FAM168B: variants seen among roughly 807,000 people sequenced by gnomAD.
FAM168B encodes myelin-associated neurite-outgrowth inhibitor.
Under a neutral mutation model 21.8 loss-of-function variants are expected in FAM168B, and 19 were observed. That is an observed-to-expected ratio of 0.87 (90% CI 0.61 to 1.28). The LOEUF (loss-of-function observed/expected upper bound fraction) is 1.28, where lower values mean the gene tolerates loss of function less well. Ranked by LOEUF, FAM168B falls within the 50% of genes most tolerant of loss-of-function variation. FAM168B has a pLI of 0.00. For synonymous variants in FAM168B, 126 were observed against 104.8 expected (o/e 1.20, Z -1.24); for missense variants, 233 against 263.1 (o/e 0.89, Z 0.79).
rs866299829 is a variant in FAM168B, at chr2:131,052,950, G to A, written c.541C>T (p.Arg181Trp). 2.6e-6 allele frequency: 4 copies of A among 1,564,026 alleles called. No individual in the cohort carries two copies. The highest frequency in any genetic ancestry group is 3.5e-6 in the Non-Finnish European group (4 of 1,153,504). ...APHPVTVPTYRAPGTPTYSYV... is the reference protein window; with the variant it reads ...APHPVTVPTYWAPGTPTYSYV... ...CTGTAAGTGGGCGTTCCTGGGGCCC[G>A]GTACGTGGGCACAGTGACCGGGTGG... The change falls in exon 6 of 7, where the codon CGG becomes TGG. Residue 181 changes from arginine (R) to tryptophan (W), a missense_variant. By Grantham distance (101) the Arg-to-Trp change is moderately radical. Coordinates refer to ENST00000389915, the MANE Select transcript of FAM168B (RefSeq NM_001009993.4).
chr2:131,072,022 CT>C, intron 2 of FAM168B, 84 bp from the exon 3 acceptor site: 1 of 1,238,750 alleles, frequency 8.1e-7, no homozygotes, highest in Non-Finnish European at 1.2e-6. Context: ...TCGCTCTTAC[CT>C]TCTTCCCCAG....
chr2:131,055,792 A>T, intron 3 of FAM168B, 97 bp from the exon 4 acceptor site: 4 of 1,464,086 alleles, frequency 2.7e-6, no homozygotes, highest in Non-Finnish European at 3.7e-6. Context: ...TGTCAGCCCC[A>T]CGCAACTCGC....
chr2:131,077,293 C>T (rs890660634), intron 2 of FAM168B, among the ~76,000 whole-genome samples: 4 of 151,692 alleles, frequency 2.6e-5, no homozygotes, highest in Non-Finnish European at 4.4e-5. Context: ...AAGTGAGCAA[C>T]GCCGCCTGCA....
chr2:131,083,746 C>T (rs1056189118), intron 1 of FAM168B, among the ~76,000 whole-genome samples: 7 of 152,074 alleles, frequency 4.6e-5, no homozygotes, highest in Admixed American at 3.3e-4. Flanking sequence ...CCCATATAAA[C>T]ACCTATGTGT....
intron 1 of FAM168B, among the ~76,000 whole-genome samples, chr2:131,092,973 T>C (rs1007346027): frequency 5.3e-5 from 8 of 151,466 alleles, no homozygotes; most frequent in African/African-American, 1.9e-4. Flanking sequence ...CGAAGCCACC[T>C]CGGCCACCTA....
chr2:131,052,955 G>A lies in FAM168B; in HGVS notation c.536C>T (p.Thr179Met), dbSNP rs1199542512. Residue 179 changes from threonine (T) to methionine (M), a missense_variant, in exon 6 of 7, where the codon ACG (threonine) becomes ATG (methionine). Coordinates refer to ENST00000389915, the MANE Select transcript of FAM168B (RefSeq NM_001009993.4). ...PVAPHPVTVP[T>M]YRAPGTPTYS... ...AGTGGGCGTTCCTGGGGCCCGGTAC[G>A]TGGGCACAGTGACCGGGTGGGGGGC... The A allele has an allele frequency of 1.3e-6, 2 of 1,563,062 alleles. No homozygotes were observed. Among genetic ancestry groups the A allele is most frequent in the Non-Finnish European group, 1.7e-6 (2 of 1,153,162 alleles).
At chr2:131,058,879 G>A (rs747751324) in intron 3 of FAM168B, among the ~76,000 whole-genome samples, 23 of 152,168 alleles carry the variant, frequency 1.5e-4, no homozygotes, top group Non-Finnish European at 2.9e-4. Context: ...ACGCCACAAC[G>A]AGGTTGTATA....
In FAM168B at chr2:131,051,692, G is replaced by GACA; in HGVS notation, c.*770_*772dup. On this transcript the variant is annotated 3_prime_UTR_variant, in exon 7 of 7. Transcript: ENST00000389915. The stretch of plus-strand genomic sequence containing the variant: ...TAGATAGCAGAGAAACTGCTTTGCT[G>GACA]ACACATAAACCACCCCCCTCGCCCC... The GACA allele has an allele frequency of 1.0e-6, 1 of 985,202 alleles. No individual in the cohort carries two copies. Among genetic ancestry groups the GACA allele is most frequent in the Non-Finnish European group, 1.2e-6 (1 of 829,902 alleles). 61.0% of individuals were successfully genotyped at this position (985,202 alleles called of 1,614,324 possible).
chr2:131,065,480 T>C (rs1443600814), intron 3 of FAM168B, among the ~76,000 whole-genome samples: 2 of 152,118 alleles, frequency 1.3e-5, no homozygotes, highest in East Asian at 1.9e-4. Flanking sequence ...TTTATGGCTA[T>C]AATTCTGAGT....
At chr2:131,075,396 T>C (rs1047506580) in intron 2 of FAM168B, among the ~76,000 whole-genome samples, 2 of 152,150 alleles carry the variant, frequency 1.3e-5, no homozygotes, top group African/African-American at 4.8e-5. Flanking sequence ...TATATTCTCA[T>C]GGGAAGAGGG....
At chr2:131,087,389 T>C (rs1693764555) in intron 1 of FAM168B, among the ~76,000 whole-genome samples, 1 of 151,994 alleles carries the variant, frequency 6.6e-6, no homozygotes. Flanking sequence ...GGAGAATCAC[T>C]TGAATCTGGG....
intron 2 of FAM168B, among the ~76,000 whole-genome samples, chr2:131,072,225 G>A (rs1332718687): frequency 6.6e-6 from 1 of 152,082 alleles, no homozygotes; most frequent in African/African-American, 2.4e-5. Context: ...CCAGGTTCAA[G>A]CGATTCTCCT....
chr2:131,079,200 G>A (rs905768382), intron 2 of FAM168B, among the ~76,000 whole-genome samples: 5 of 152,124 alleles, frequency 3.3e-5, no homozygotes, highest in South Asian at 2.1e-4. Context: ...ACACAGGGCC[G>A]GGCACGGTGG....
At chr2:131,060,349 T>A (rs187104090) in intron 3 of FAM168B, among the ~76,000 whole-genome samples, 1 of 152,188 alleles carries the variant, frequency 6.6e-6, no homozygotes, top group Non-Finnish European at 1.5e-5. Flanking sequence ...CCCATGTACT[T>A]GTGCTAAAGC....
intron 3 of FAM168B, among the ~76,000 whole-genome samples, chr2:131,060,661 CATGTT>C: frequency 1.3e-5 from 2 of 152,262 alleles, no homozygotes; most frequent in South Asian, 4.1e-4. Context: ...ACACCTCACT[CATGTT>C]AGGGAGGGCT....
chr2:131,084,812 A>T (rs979399762), intron 1 of FAM168B, among the ~76,000 whole-genome samples: 1 of 151,324 alleles, frequency 6.6e-6, no homozygotes, highest in East Asian at 2.0e-4. Flanking sequence ...AGACTTGATC[A>T]CCCAAGCTTA....
Position 131,051,639 on chromosome 2 carries a change from T to A in FAM168B, c.*826A>T. 1.0e-6 allele frequency: 1 copy of A among 985,324 alleles called. No individual in the cohort carries two copies. The highest frequency in any genetic ancestry group is 1.2e-6 in the Non-Finnish European group (1 of 829,886). 61.0% of individuals were successfully genotyped at this position (985,324 alleles called of 1,614,324 possible). On this transcript the variant is annotated 3_prime_UTR_variant, in exon 7 of 7. Transcript: ENST00000389915. ...CCAATAAAGACATATAAAAACATCA[T>A]CTCTCTAAGAGAACTGTAATGAAAA...
chr2:131,092,577 AATG>A (rs1354238400), intron 1 of FAM168B, among the ~76,000 whole-genome samples: 1 of 152,180 alleles, frequency 6.6e-6, no homozygotes, highest in East Asian at 1.9e-4. Context: ...GTTTGACTTT[AATG>A]ATTAAACATT....
intron 3 of FAM168B, among the ~76,000 whole-genome samples, chr2:131,060,320 G>A (rs1039960499): frequency 2.6e-5 from 4 of 152,038 alleles, no homozygotes; most frequent in African/African-American, 4.8e-5. Context: ...CACCGCGCCC[G>A]GCCGTGAGTA....
Sources: gnomAD v4.1 joint callset for allele counts (sites outside exome capture counted in the v4.1 genomes callset) on GRCh38, gnomAD v4.1.1 for gene constraint, MANE v1.5 for transcripts, NCBI Gene and HGNC (gene_info 2026-07-23, HGNC 2026-07-21) for gene names.